Variants in RXFP1 observed in about 807,000 individuals in gnomAD.
RXFP1 encodes the protein relaxin family peptide receptor 1, also known as relaxin receptor 1.
RXFP1 carries 73 observed loss-of-function variants against 89.8 expected under a neutral mutation model. That is an observed-to-expected ratio of 0.81 (90% confidence interval 0.67 to 0.99). The LOEUF is 0.99. RXFP1 is among the 50% of genes least tolerant of loss of function. The pLI is 0.00. For missense variants in RXFP1, 793 were observed against 895.5 expected (o/e 0.89, Z 1.46); for synonymous variants, 277 against 305.5 (o/e 0.91, Z 0.97).
intron 15 of RXFP1, chr4:158,646,477 C>A: frequency 4.0e-6 from 5 of 1,240,972 alleles, no homozygotes; most frequent in Non-Finnish European, 5.1e-6. Flanking sequence ...GCATTTTGTT[C>A]ATTTATTCGA....
At chr4:158,622,165 G>C (rs1476006110) in intron 9 of RXFP1, among the ~76,000 whole-genome samples, 1 of 152,062 alleles carries the variant, frequency 6.6e-6, no homozygotes, top group African/African-American at 2.4e-5. Flanking sequence ...ACGAAAATTA[G>C]CCGGGCATGG....
At chr4:158,529,451 A>T (rs1282246872) in intron 1 of RXFP1, among the ~76,000 whole-genome samples, 1 of 151,470 alleles carries the variant, frequency 6.6e-6, no homozygotes, top group Non-Finnish European at 1.5e-5. Flanking sequence ...TAGAGATGGG[A>T]GTTTCACCAT....
At chr4:158,528,182 T>C (rs955780445) in intron 1 of RXFP1, among the ~76,000 whole-genome samples, 1 of 152,080 alleles carries the variant, frequency 6.6e-6, no homozygotes, top group South Asian at 2.1e-4. Context: ...CCCAGAGGAA[T>C]TTTAATGAAA....
chr4:158,644,639 A>C (rs758901149), intron 14 of RXFP1, among the ~76,000 whole-genome samples: 10 of 152,180 alleles, frequency 6.6e-5, no homozygotes, highest in African/African-American at 9.7e-5. Flanking sequence ...TCTTGATCAC[A>C]TCTAACAGTT....
chr4:158,578,284 A>C (rs976654422), intron 2 of RXFP1, among the ~76,000 whole-genome samples: 1 of 152,210 alleles, frequency 6.6e-6, no homozygotes, highest in Non-Finnish European at 1.5e-5. Flanking sequence ...GAACTGTCAC[A>C]GACACAATCA....
chr4:158,633,448 T>G lies in RXFP1; in HGVS notation c.943T>G (p.Phe315Val). The change falls in exon 12 of 18, where the codon TTC (phenylalanine) becomes GTC (valine). Residue 315 changes from phenylalanine to valine, a missense_variant. By Grantham distance (50) the Phe-to-Val change is conservative (BLOSUM62 -1). Transcript: ENST00000307765. ...GATTGAAAATCTTCCACCGCTTATA[T>G]TCAAGGACCTGAAGGAGCTGTCACA... ...NKIENLPPLI[F>V]KDLKELSQLN... The G allele has an allele frequency of 6.2e-7, 1 of 1,603,758 alleles. No individual in the cohort carries two copies. The highest frequency in any genetic ancestry group is 1.1e-5 in the South Asian group (1 of 89,556).
At position 158,586,450 on chromosome 4, in the gene RXFP1, C is replaced by A. The variant is rs994999103; in HGVS notation, c.188-6951C>A. On this transcript the variant is annotated intron_variant, in intron 2 of 17. Coordinates refer to ENST00000307765, the MANE Select transcript of RXFP1 (RefSeq NM_021634.4). ...AAACCATATCCCCTAACCCAATATT[C>A]TCTTCTGTGCGGTGCTTGTTCCACT... 3.9e-5 allele frequency among the ~76,000 whole-genome samples: 6 copies of A among 152,230 alleles called. No homozygotes were observed. The East Asian group carries it at 9.6e-4, about 24-fold the overall frequency.
At chr4:158,601,377 G>A (rs1287102457) in intron 4 of RXFP1, among the ~76,000 whole-genome samples, 2 of 152,132 alleles carry the variant, frequency 1.3e-5, no homozygotes, top group Non-Finnish European at 2.9e-5. Flanking sequence ...TGGGGACTCT[G>A]ATGTTAGATG....
chr4:158,632,385 A>G (rs756339945), intron 11 of RXFP1, among the ~76,000 whole-genome samples: 13 of 152,360 alleles, frequency 8.5e-5, no homozygotes, highest in Non-Finnish European at 1.9e-4. Context: ...AAATACATCT[A>G]TTCATTCTCC....
intron 9 of RXFP1, among the ~76,000 whole-genome samples, chr4:158,622,226 A>C (rs1765758810): frequency 6.6e-6 from 1 of 152,046 alleles, no homozygotes; most frequent in Non-Finnish European, 1.5e-5. Flanking sequence ...CAGGAGAGTC[A>C]CTTGAACCCG....
chr4:158,629,711 C>T (rs772438688), intron 11 of RXFP1, among the ~76,000 whole-genome samples: 2 of 152,004 alleles, frequency 1.3e-5, no homozygotes, highest in African/African-American at 4.8e-5. Flanking sequence ...ACCGTAACCT[C>T]GAACTCCTTG....
At chr4:158,561,104 T>C (rs1752340179) in intron 1 of RXFP1, among the ~76,000 whole-genome samples, 1 of 152,228 alleles carries the variant, frequency 6.6e-6, no homozygotes, top group Non-Finnish European at 1.5e-5. Flanking sequence ...ATAAATCTTG[T>C]AAAATAAAAC....
chr4:158,596,958 A>G (rs1284671842), intron 3 of RXFP1, among the ~76,000 whole-genome samples: 1 of 152,248 alleles, frequency 6.6e-6, no homozygotes, highest in African/African-American at 2.4e-5. Context: ...GAATGAGGCT[A>G]TGTAATAAAT....
chr4:158,647,261 TG>T (rs1771752385), intron 16 of RXFP1, 60 bp downstream of exon 16: 2 of 1,365,178 alleles, frequency 1.5e-6, no homozygotes, highest in Non-Finnish European at 2.0e-6. Flanking sequence ...AACCAGTTTT[TG>T]TTAGTAAGAA....
chr4:158,545,228 T>C (rs1579477935), intron 1 of RXFP1, among the ~76,000 whole-genome samples: 1 of 152,180 alleles, frequency 6.6e-6, no homozygotes, highest in South Asian at 2.1e-4. Context: ...ATGTGTTTTT[T>C]TGGCTGCATA....
At chr4:158,630,672 T>C (rs1767862806) in intron 11 of RXFP1, among the ~76,000 whole-genome samples, 1 of 152,192 alleles carries the variant, frequency 6.6e-6, no homozygotes, top group Non-Finnish European at 1.5e-5. Context: ...AGGCCAATAA[T>C]TTGTCTTGCT....
chr4:158,629,661 C>T (rs1216315330), intron 11 of RXFP1, among the ~76,000 whole-genome samples: 1 of 151,942 alleles, frequency 6.6e-6, no homozygotes, highest in Non-Finnish European at 1.5e-5. Context: ...GGGTGTCACT[C>T]TGTTGCCCAA....
chr4:158,564,980 G>T (rs1753252341), intron 1 of RXFP1, among the ~76,000 whole-genome samples: 1 of 152,142 alleles, frequency 6.6e-6, no homozygotes, highest in Non-Finnish European at 1.5e-5. Context: ...GGATCAGAAG[G>T]AGGTATTTTT....
chr4:158,568,514 T>TA (rs1289300693), intron 1 of RXFP1, among the ~76,000 whole-genome samples: 1 of 152,232 alleles, frequency 6.6e-6, no homozygotes, highest in Non-Finnish European at 1.5e-5. Flanking sequence ...CTTAAAAAAT[T>TA]AATAAAGATA....
Sources: allele counts gnomAD v4.1 joint callset (sites outside exome capture counted in the v4.1 genomes callset), GRCh38; gene constraint gnomAD v4.1.1; transcripts MANE v1.5; gene names NCBI Gene and HGNC (gene_info 2026-07-23, HGNC 2026-07-21).